The following PUM1 variants were observed in gnomAD, a reference collection of about 807,000 sequenced individuals.
PUM1 encodes pumilio RNA binding family member 1, also known as pumilio homolog 1.
In PUM1, 13 loss-of-function variants were observed where a neutral mutation model predicts 131.8. The ratio of observed to expected loss-of-function variants is 0.10; its 90% CI spans 0.06 to 0.16. PUM1 has a LOEUF of 0.16. PUM1 is among the 10% of genes least tolerant of loss of function. The pLI is 1.00. For synonymous variants in PUM1, 509 were observed against 556.5 expected (o/e 0.91, Z 1.20); for missense variants, 961 against 1,512.4 (o/e 0.64, Z 6.05).
intron 7 of PUM1, among the ~76,000 whole-genome samples, chr1:30,983,853 T>C (rs771564032): frequency 1.3e-4 from 19 of 151,936 alleles, no homozygotes; most frequent in Admixed American, 3.9e-4. Flanking sequence ...TCCTTCCACT[T>C]TGGCCTCCCA....
intron 2 of PUM1, among the ~76,000 whole-genome samples, chr1:31,053,204 A>G (rs1199921162): frequency 6.7e-6 from 1 of 148,940 alleles, no homozygotes; most frequent in Non-Finnish European, 1.5e-5. Flanking sequence ...ACAGGGTTTC[A>G]CCATGTTGGC....
At chr1:31,037,603 C>T (rs1643654527) in intron 2 of PUM1, among the ~76,000 whole-genome samples, 1 of 151,980 alleles carries the variant, frequency 6.6e-6, no homozygotes, top group African/African-American at 2.4e-5. Context: ...ACCTGTATTC[C>T]CAGCTACTCA....
intron 3 of PUM1, among the ~76,000 whole-genome samples, chr1:31,021,293 T>C (rs1042204074): frequency 2.0e-5 from 3 of 152,184 alleles, no homozygotes; most frequent in African/African-American, 7.2e-5. Context: ...ATTCTCTCCC[T>C]GTACACTCCA....
chr1:30,965,948 T>C, intron 13 of PUM1, 34 bp downstream of exon 13: 3 of 1,554,526 alleles, frequency 1.9e-6, no homozygotes, highest in South Asian at 1.2e-5. Context: ...ATAATTAAAA[T>C]TCAGTCTTAA....
chr1:30,981,938 A>C (rs1267774988), intron 7 of PUM1: 1 of 152,250 alleles, frequency 6.6e-6, no homozygotes, highest in Non-Finnish European at 1.5e-5. Flanking sequence ...TTGGAGAAGA[A>C]TATGAAAAGT....
intron 9 of PUM1, among the ~76,000 whole-genome samples, chr1:30,976,980 T>C (rs1408686424): frequency 6.6e-6 from 1 of 152,128 alleles, no homozygotes; most frequent in East Asian, 1.9e-4. Context: ...CCTGTAAAAA[T>C]GGGTAAACAG....
At chr1:30,965,178 C>T (rs995921534) in intron 13 of PUM1, among the ~76,000 whole-genome samples, 15 of 152,100 alleles carry the variant, frequency 9.9e-5, no homozygotes, top group Non-Finnish European at 2.1e-4. Context: ...AAAGCTCTGA[C>T]GGCCACATGA....
chr1:31,005,328 G>C (rs1292682698), intron 5 of PUM1, among the ~76,000 whole-genome samples: 1 of 152,008 alleles, frequency 6.6e-6, no homozygotes, highest in African/African-American at 2.4e-5. Context: ...TTCTTGACAG[G>C]CCAGGTGTGA....
chr1:31,052,532 T>A (rs1044129315), intron 2 of PUM1, among the ~76,000 whole-genome samples: 2 of 151,568 alleles, frequency 1.3e-5, no homozygotes, highest in African/African-American at 4.9e-5. Context: ...CCCAGCTAAT[T>A]TTTTTCCTTT....
chr1:30,991,424 A>G (rs1641787100), intron 7 of PUM1, among the ~76,000 whole-genome samples: 2 of 152,226 alleles, frequency 1.3e-5, no homozygotes, highest in Admixed American at 1.3e-4. Flanking sequence ...TTTTTACTCT[A>G]TCAATCAAAA....
At chr1:31,047,310 G>A (rs1643992334) in intron 2 of PUM1, among the ~76,000 whole-genome samples, 1 of 151,960 alleles carries the variant, frequency 6.6e-6, no homozygotes, top group African/African-American at 2.4e-5. Context: ...GAAACTGAAT[G>A]TAAAAAACAA....
intron 5 of PUM1, among the ~76,000 whole-genome samples, chr1:31,002,569 CA>C (rs1311004690): frequency 1.3e-5 from 2 of 151,994 alleles, no homozygotes; most frequent in Non-Finnish European, 2.9e-5. Flanking sequence ...CCATGGGCCT[CA>C]AAAATAAAAT....
intron 2 of PUM1, among the ~76,000 whole-genome samples, chr1:31,045,295 G>A (rs1178302027): frequency 2.0e-5 from 3 of 151,664 alleles, no homozygotes; most frequent in Non-Finnish European, 4.4e-5. Flanking sequence ...CCCCACACCC[G>A]GCTAATTTTT....
At chr1:30,981,204 T>C (rs983863345) in intron 8 of PUM1, 108 bp downstream of exon 8, 3 of 612,912 alleles carry the variant, frequency 4.9e-6, no homozygotes, top group African/African-American at 1.9e-5. Flanking sequence ...TCTGAGGGAT[T>C]TGTCTGAACT....
Position 30,933,355 on chromosome 1 carries a change from GAC to G in PUM1, c.3436-15_3436-14del, listed in dbSNP as rs777129595. ...TGTGGGGCCGGATCTGGGGAGGAAA[GAC>G]AGTCTGTGTTACATGGCCTGAGATG... On this transcript the variant is annotated splice_polypyrimidine_tract_variant and intron_variant, in intron 21 of 21. Transcript: ENST00000426105. 1 of 1,612,666 alleles carries G rather than the reference GAC, an allele frequency of 6.2e-7. No homozygotes were observed. Among genetic ancestry groups the G allele is most frequent in the East Asian group, 2.2e-5 (1 of 44,796 alleles).
intron 5 of PUM1, among the ~76,000 whole-genome samples, chr1:31,004,582 A>G (rs568395241): frequency 5.7e-4 from 87 of 152,332 alleles, no homozygotes; most frequent in African/African-American, 2.0e-3. Flanking sequence ...GCCATCTCCT[A>G]TCTGATTCAC....
At chr1:30,961,657 G>T (rs1246624009) in intron 14 of PUM1, among the ~76,000 whole-genome samples, 1 of 151,934 alleles carries the variant, frequency 6.6e-6, no homozygotes, top group East Asian at 1.9e-4. Flanking sequence ...TACTAAACAG[G>T]TCACTGATTT....
chr1:30,954,126 G>A (rs1191468418), intron 14 of PUM1, 145 bp from the exon 15 acceptor site: 10 of 881,522 alleles, frequency 1.1e-5, no homozygotes, highest in Admixed American at 8.5e-5. Context: ...TTCTATTAGC[G>A]TCATGACTTT....
At position 31,005,838 on chromosome 1, in the gene PUM1, C is replaced by T. The variant is rs1642386368; in HGVS notation, c.720+15G>A. 2 of 1,573,958 alleles carry T rather than the reference C, an allele frequency of 1.3e-6. No homozygotes were observed. The highest frequency in any genetic ancestry group is 1.7e-6 in the Non-Finnish European group (2 of 1,161,952). ...GAGAGAGAGAGATAGGAACAAGTTC[C>T]TCAAGCCAACTTACAAATCCTCCTT... On this transcript the variant is annotated intron_variant, in intron 5 of 21. Coordinates refer to ENST00000426105, the MANE Select transcript of PUM1 (RefSeq NM_001020658.2).
Sources: allele counts gnomAD v4.1 joint callset (sites outside exome capture counted in the v4.1 genomes callset), GRCh38; gene constraint gnomAD v4.1.1; transcripts MANE v1.5; gene names NCBI Gene and HGNC (gene_info 2026-07-23, HGNC 2026-07-21).